Variants in MTUS1 observed in about 807,000 individuals in gnomAD.
The protein encoded by MTUS1 is microtubule associated scaffold protein 1.
MTUS1 carries 109 observed loss-of-function variants against 120.8 expected under a neutral mutation model. The observed-to-expected ratio is 0.90, with a 90% CI of 0.77 to 1.06. MTUS1 has a LOEUF of 1.06. Among genes scored for constraint, MTUS1 ranks in the 50% least tolerant of loss-of-function variants. The pLI is 0.00. For synonymous variants in MTUS1, 737 were observed against 550.5 expected (o/e 1.34, Z -4.74); for missense variants, 2,210 against 1,486.3 (o/e 1.49, Z -8.01).
chr8:17,656,984 A>G (rs913277837), intron 8 of MTUS1, among the ~76,000 whole-genome samples: 38 of 143,748 alleles, frequency 2.6e-4, no homozygotes, highest in Admixed American at 1.4e-4. Flanking sequence ...GCGTGAACCC[A>G]GGAGGCGGAG....
chr8:17,800,791 G>C (rs1347189138), intron 1 of MTUS1: 1 of 152,210 alleles, frequency 6.6e-6, no homozygotes, highest in Admixed American at 6.5e-5. Context: ...GGCGTAAGGA[G>C]TCCACAGTCA....
intron 8 of MTUS1, among the ~76,000 whole-genome samples, chr8:17,660,486 T>C (rs1236599067): frequency 6.6e-6 from 1 of 152,214 alleles, no homozygotes; most frequent in Non-Finnish European, 1.5e-5. Context: ...ATAATGCTGC[T>C]ATGAACACCG....
At chr8:17,785,874 A>G (rs4506257) in intron 1 of MTUS1, among the ~76,000 whole-genome samples, 112,125 of 152,054 alleles carry the variant, frequency 0.74, 42,706 homozygotes, top group Non-Finnish European at 0.85. Flanking sequence ...GCCAGGTACC[A>G]TGGGTCATGC....
Position 17,715,658 on chromosome 8 carries a change from T to C in MTUS1, c.2584+109A>G, listed in dbSNP as rs1585904965. ...TATATCTCCTTTCTCAACATATTTGTAATCATTGTTGACTATACCATAAAC... is the reference window on the plus strand; with the variant it reads ...TATATCTCCTTTCTCAACATATTTGCAATCATTGTTGACTATACCATAAAC... On this transcript the variant is annotated intron_variant, in intron 5 of 14. Coordinates refer to ENST00000693296, the MANE Select transcript of MTUS1 (RefSeq NM_001363059.2). 6.3e-6 allele frequency: 7 copies of C among 1,109,450 alleles called. No homozygotes were observed. In the East Asian group the frequency reaches 1.5e-4, roughly 24 times the overall value. The allele number at this position is 1,109,450 out of a possible 1,614,324, so 68.7% of individuals were successfully genotyped here. A position where few individuals can be genotyped will look rare whatever the true frequency, so the allele number is the denominator to read the frequency against.
At chr8:17,662,299 T>C (rs958483465) in intron 8 of MTUS1, among the ~76,000 whole-genome samples, 1 of 151,734 alleles carries the variant, frequency 6.6e-6, no homozygotes, top group African/African-American at 2.4e-5. Flanking sequence ...TGCGAATGTT[T>C]GAAAGAAGGT....
At chr8:17,797,121 A>G (rs574423834) in intron 1 of MTUS1, among the ~76,000 whole-genome samples, 1 of 152,060 alleles carries the variant, frequency 6.6e-6, no homozygotes, top group Non-Finnish European at 1.5e-5. Context: ...ATCTCAAAAT[A>G]AATTTTTAGG....
At chr8:17,694,057 T>C (rs943112628) in intron 6 of MTUS1, among the ~76,000 whole-genome samples, 2 of 152,198 alleles carry the variant, frequency 1.3e-5, no homozygotes, top group African/African-American at 4.8e-5. Flanking sequence ...TACAAAAGTG[T>C]TCATATTTGG....
At chr8:17,683,604 T>C (rs979354564) in intron 7 of MTUS1, among the ~76,000 whole-genome samples, 5 of 152,280 alleles carry the variant, frequency 3.3e-5, no homozygotes, top group Middle Eastern at 3.4e-3. Context: ...TCTTTTTTTT[T>C]CCCCTTTGCA....
chr8:17,704,518 C>T (rs756865529), intron 6 of MTUS1, among the ~76,000 whole-genome samples: 5 of 152,126 alleles, frequency 3.3e-5, no homozygotes, highest in African/African-American at 1.2e-4. Context: ...GTACTATCTA[C>T]AAAAAGACTA....
Position 17,654,683 on chromosome 8 carries a change from A to G in MTUS1, c.3109-17T>C. The G allele has an allele frequency of 6.3e-7, 1 of 1,592,566 alleles. No individual in the cohort carries two copies. Among genetic ancestry groups the G allele is most frequent in the Non-Finnish European group, 8.6e-7 (1 of 1,160,340 alleles). On this transcript the variant is annotated splice_polypyrimidine_tract_variant and intron_variant, in intron 9 of 14. Coordinates refer to ENST00000693296, the MANE Select transcript of MTUS1 (RefSeq NM_001363059.2). ...GTTGTCAAACTGTAAGCAACAAACAAAACCGTGGTTTAACAGTAAAACCAA... is the reference window on the plus strand; with the variant it reads ...GTTGTCAAACTGTAAGCAACAAACAGAACCGTGGTTTAACAGTAAAACCAA...
At chr8:17,731,134 G>A (rs2046547100) in intron 3 of MTUS1, among the ~76,000 whole-genome samples, 1 of 152,178 alleles carries the variant, frequency 6.6e-6, no homozygotes, top group Non-Finnish European at 1.5e-5. Context: ...TTCAGGATAG[G>A]ATAGGATAAG....
chr8:17,649,079 A>C (rs552295655), intron 13 of MTUS1, among the ~76,000 whole-genome samples: 5 of 141,540 alleles, frequency 3.5e-5, no homozygotes, highest in African/African-American at 1.3e-4. Context: ...CAAATGGATT[A>C]ATCTTATTAT....
intron 7 of MTUS1, 133 bp downstream of exon 7, chr8:17,684,195 T>C (rs1284723103): frequency 7.5e-6 from 5 of 668,410 alleles, no homozygotes; most frequent in Non-Finnish European, 1.3e-5. Flanking sequence ...GTGACAAAAA[T>C]GTAATGGGAT....
intron 1 of MTUS1, among the ~76,000 whole-genome samples, chr8:17,791,838 C>G (rs1327796479): frequency 1.3e-5 from 2 of 152,148 alleles, no homozygotes; most frequent in Non-Finnish European, 2.9e-5. Context: ...ATCTATGAAT[C>G]AGAAGATTTA....
Position 17,754,123 on chromosome 8 carries a change from T to A in MTUS1, c.1685A>T (p.Asn562Ile). The part of the protein sequence containing the change: ...VLSRTPRSDL[N>I]ADKKAEILIN... ...TAGAATTTCTGCTTTTTTGTCTGCA[T>A]TCAAGTCAGATCTCGGTGTTCTGCT... The change falls in exon 2 of 15, where the codon AAT (asparagine) becomes ATT (isoleucine). Residue 562 changes from asparagine (N) to isoleucine (I), a missense_variant. Asn to Ile is a moderately radical substitution (Grantham distance 149). Coordinates refer to ENST00000693296, the MANE Select transcript of MTUS1 (RefSeq NM_001363059.2). 2 of 1,613,990 alleles carry A rather than the reference T, an allele frequency of 1.2e-6. No individual in the cohort carries two copies. Among genetic ancestry groups the A allele is most frequent in the Non-Finnish European group, 1.7e-6 (2 of 1,180,040 alleles).
intron 2 of MTUS1, among the ~76,000 whole-genome samples, chr8:17,750,110 CAA>C (rs915582172): frequency 4.6e-5 from 7 of 152,174 alleles, no homozygotes; most frequent in Non-Finnish European, 5.9e-5. Context: ...TAATAAATCT[CAA>C]GTGTTAATTT....
At chr8:17,793,526 A>AT (rs1412846462) in intron 1 of MTUS1, among the ~76,000 whole-genome samples, 1 of 152,200 alleles carries the variant, frequency 6.6e-6, no homozygotes, top group African/African-American at 2.4e-5. Context: ...GCTCTAGATG[A>AT]TTTATTCCAG....
At chr8:17,649,349 C>A (rs182668889) in intron 13 of MTUS1, among the ~76,000 whole-genome samples, 2 of 152,156 alleles carry the variant, frequency 1.3e-5, no homozygotes, top group Non-Finnish European at 2.9e-5. Flanking sequence ...TGAGCCACTG[C>A]GCCCAGCCCA....
At chr8:17,795,088 T>A (rs1312652147) in intron 1 of MTUS1, among the ~76,000 whole-genome samples, 1 of 152,238 alleles carries the variant, frequency 6.6e-6, no homozygotes, top group African/African-American at 2.4e-5. Context: ...TCATCCAGAT[T>A]GGTATATGTG....
Sources: gnomAD v4.1 joint callset for allele counts (sites outside exome capture counted in the v4.1 genomes callset) on GRCh38, gnomAD v4.1.1 for gene constraint, MANE v1.5 for transcripts, NCBI Gene and HGNC (gene_info 2026-07-23, HGNC 2026-07-21) for gene names.